The following OSBPL8 variants were observed in gnomAD, a reference collection of about 807,000 sequenced individuals.
The protein encoded by OSBPL8 is oxysterol-binding protein-related protein 8.
OSBPL8 carries 59 observed loss-of-function variants against 125.5 expected under a neutral mutation model. The ratio of observed to expected loss-of-function variants is 0.47; its 90% CI spans 0.38 to 0.58. The LOEUF (loss-of-function observed/expected upper bound fraction) is 0.58, where lower values mean the gene tolerates loss of function less well. Among genes scored for constraint, OSBPL8 ranks in the 20% least tolerant of loss-of-function variants. The pLI is 0.00. For synonymous variants in OSBPL8, 330 were observed against 338.9 expected (o/e 0.97, Z 0.29); for missense variants, 758 against 1,047.8 (o/e 0.72, Z 3.82).
intron 1 of OSBPL8, among the ~76,000 whole-genome samples, chr12:76,523,560 G>A (rs1950080938): frequency 6.6e-6 from 1 of 152,160 alleles, no homozygotes; most frequent in Admixed American, 6.5e-5. Context: ...GCCTTGGGGA[G>A]GTAATCATGT....
At chr12:76,495,819 G>A (rs1879210459) in intron 1 of OSBPL8, among the ~76,000 whole-genome samples, 1 of 152,224 alleles carries the variant, frequency 6.6e-6, no homozygotes, top group South Asian at 2.1e-4. Flanking sequence ...TCAGTCTGAA[G>A]ACCTATCCTT....
intron 1 of OSBPL8, among the ~76,000 whole-genome samples, chr12:76,494,694 A>G (rs997986552): frequency 7.9e-5 from 12 of 152,184 alleles, no homozygotes; most frequent in African/African-American, 2.9e-4. Context: ...ATGAGATGGG[A>G]AAGACAGCAG....
At chr12:76,411,043 T>C (rs1011375667) in intron 4 of OSBPL8, among the ~76,000 whole-genome samples, 4 of 152,184 alleles carry the variant, frequency 2.6e-5, no homozygotes, top group Non-Finnish European at 5.9e-5. Context: ...TAAATCTGGA[T>C]TGACTTTTTA....
intron 1 of OSBPL8, among the ~76,000 whole-genome samples, chr12:76,552,508 C>T (rs946218676): frequency 6.6e-6 from 1 of 151,768 alleles, no homozygotes; most frequent in Non-Finnish European, 1.5e-5. Flanking sequence ...AATGAATCTG[C>T]CCTTCCCACA....
intron 15 of OSBPL8, among the ~76,000 whole-genome samples, chr12:76,384,046 T>C (rs556231406): frequency 6.6e-6 from 1 of 152,364 alleles, no homozygotes; most frequent in African/African-American, 2.4e-5. Context: ...TCATAAGAAA[T>C]GTTTGTGATA....
intron 6 of OSBPL8, among the ~76,000 whole-genome samples, chr12:76,401,027 G>A (rs1482682208): frequency 2.6e-5 from 4 of 151,834 alleles, no homozygotes; most frequent in Non-Finnish European, 5.9e-5. Context: ...GGCCTCAAGT[G>A]ATCCGCCCGC....
intron 4 of OSBPL8, among the ~76,000 whole-genome samples, chr12:76,450,000 T>C (rs916513243): frequency 5.3e-5 from 8 of 152,158 alleles, no homozygotes; most frequent in African/African-American, 1.9e-4. Context: ...CCAGATTTTA[T>C]TCATATACTT....
intron 19 of OSBPL8, 37 bp from the exon 20 acceptor site, chr12:76,369,859 T>C: frequency 6.4e-7 from 1 of 1,551,134 alleles, no homozygotes; most frequent in Non-Finnish European, 8.7e-7. Context: ...GTATTAAAAA[T>C]GTAACAGAAA....
intron 2 of OSBPL8, among the ~76,000 whole-genome samples, chr12:76,481,997 C>T (rs1877553104): frequency 6.6e-6 from 1 of 152,154 alleles, no homozygotes; most frequent in Non-Finnish European, 1.5e-5. Flanking sequence ...AAATCAGTTA[C>T]AGGAAGTTGG....
chr12:76,478,667 A>T (rs1291771093), intron 2 of OSBPL8, among the ~76,000 whole-genome samples: 1 of 152,230 alleles, frequency 6.6e-6, no homozygotes, highest in Non-Finnish European at 1.5e-5. Context: ...AATGAGATGC[A>T]ATCTTTAGTA....
chr12:76,433,675 T>TA (rs1368493519), intron 4 of OSBPL8, among the ~76,000 whole-genome samples: 1 of 151,910 alleles, frequency 6.6e-6, no homozygotes. Flanking sequence ...TGCCATTCCT[T>TA]AAAAAATTAC....
At chr12:76,549,451 C>T (rs1415253067) in intron 1 of OSBPL8, among the ~76,000 whole-genome samples, 1 of 152,174 alleles carries the variant, frequency 6.6e-6, no homozygotes, top group African/African-American at 2.4e-5. Context: ...CGGAGTCTCA[C>T]CCAGGCTAGA....
At chr12:76,479,499 T>C (rs1189912899) in intron 2 of OSBPL8, among the ~76,000 whole-genome samples, 1 of 152,166 alleles carries the variant, frequency 6.6e-6, no homozygotes, top group East Asian at 1.9e-4. Context: ...TATACCACTA[T>C]CGAAATAACA....
chr12:76,424,292 CA>C (rs1869876929), intron 4 of OSBPL8, among the ~76,000 whole-genome samples: 1 of 152,058 alleles, frequency 6.6e-6, no homozygotes, highest in South Asian at 2.1e-4. Context: ...TGAGCCACCG[CA>C]CCAGGCAAAA....
chr12:76,381,926 G>T (rs1262742735), intron 15 of OSBPL8, among the ~76,000 whole-genome samples: 3 of 151,904 alleles, frequency 2.0e-5, no homozygotes, highest in Admixed American at 6.6e-5. Flanking sequence ...GTAGAGACAG[G>T]GTTTCACCAT....
At chr12:76,362,144 T>C (rs971232128) in intron 21 of OSBPL8, among the ~76,000 whole-genome samples, 1 of 152,186 alleles carries the variant, frequency 6.6e-6, no homozygotes, top group Non-Finnish European at 1.5e-5. Context: ...ACATTTAAAA[T>C]AGAAATCCAC....
At chr12:76,475,739 G>T (rs1876724536) in intron 2 of OSBPL8, among the ~76,000 whole-genome samples, 1 of 152,154 alleles carries the variant, frequency 6.6e-6, no homozygotes, top group Admixed American at 6.5e-5. Flanking sequence ...GAGTATCACA[G>T]ATAAAGGAAA....
At position 76,392,572 on chromosome 12, in the gene OSBPL8, T is replaced by C; in HGVS notation, c.929+9A>G. 1.9e-6 allele frequency: 3 copies of C among 1,600,202 alleles called. No homozygotes were observed. The highest frequency in any genetic ancestry group is 2.2e-5 in the South Asian group (2 of 89,914). On this transcript the variant is annotated intron_variant, in intron 10 of 23. Transcript: ENST00000261183. ...AAACATTACCAACTCAGCGGCAGTA[T>C]CTACTTACTGGAAGTTATCACCACT... is the stretch of plus-strand genomic sequence containing the variant.
intron 21 of OSBPL8, among the ~76,000 whole-genome samples, chr12:76,364,719 T>C (rs937967945): frequency 5.9e-5 from 9 of 152,182 alleles, no homozygotes; most frequent in African/African-American, 1.7e-4. Context: ...TTCTACTCCA[T>C]TGGTCAATAT....
Sources: allele counts gnomAD v4.1 joint callset (sites outside exome capture counted in the v4.1 genomes callset), GRCh38; gene constraint gnomAD v4.1.1; transcripts MANE v1.5; gene names NCBI Gene and HGNC (gene_info 2026-07-23, HGNC 2026-07-21).